Variants in STRBP observed in about 807,000 individuals in gnomAD.
The protein encoded by STRBP is spermatid perinuclear RNA-binding protein.
Under a neutral mutation model 80.1 loss-of-function variants are expected in STRBP, and 13 were observed. That is an observed-to-expected ratio of 0.16 (90% CI 0.11 to 0.26). The LOEUF is 0.26. STRBP is among the 10% of genes least tolerant of loss of function. STRBP has a pLI of 1.00. For synonymous variants in STRBP, 284 were observed against 291.2 expected (o/e 0.98, Z 0.25); for missense variants, 485 against 815.2 (o/e 0.59, Z 4.93).
chr9:123,231,417 G>C (rs1417102261), intron 2 of STRBP, among the ~76,000 whole-genome samples: 7 of 152,086 alleles, frequency 4.6e-5, no homozygotes, highest in Non-Finnish European at 7.3e-5. Flanking sequence ...ATAACTTACA[G>C]ATGGAAAAAT....
intron 9 of STRBP, 67 bp downstream of exon 9, chr9:123,159,029 A>T (rs1388077065): frequency 2.3e-6 from 3 of 1,307,392 alleles, no homozygotes; most frequent in Non-Finnish European, 3.3e-6. Context: ...AACTTAGCAT[A>T]TATTTAGAAA....
intron 5 of STRBP, 76 bp from the exon 6 acceptor site, chr9:123,170,122 A>T (rs1283250345): frequency 2.2e-5 from 31 of 1,416,264 alleles, no homozygotes; most frequent in Admixed American, 4.6e-5. Flanking sequence ...CAATGCTTGT[A>T]CTAAGTTCTC....
intron 11 of STRBP, among the ~76,000 whole-genome samples, chr9:123,154,795 C>A (rs1166931252): frequency 1.3e-5 from 2 of 152,076 alleles, no homozygotes. Context: ...AATGAGAATT[C>A]AAAGTGAGGA....
At chr9:123,245,220 A>T (rs1402236384) in intron 1 of STRBP, among the ~76,000 whole-genome samples, 1 of 152,146 alleles carries the variant, frequency 6.6e-6, no homozygotes, top group African/African-American at 2.4e-5. Context: ...CTAAAACCAA[A>T]TTTTTCCCCT....
At chr9:123,180,254 T>A (rs2038400478) in intron 3 of STRBP, among the ~76,000 whole-genome samples, 1 of 152,192 alleles carries the variant, frequency 6.6e-6, no homozygotes, top group Non-Finnish European at 1.5e-5. Flanking sequence ...GACCCAGGTC[T>A]CTATTTAAAT....
At chr9:123,210,651 AC>A (rs1310534270) in intron 2 of STRBP, among the ~76,000 whole-genome samples, 1 of 152,048 alleles carries the variant, frequency 6.6e-6, no homozygotes, top group African/African-American at 2.4e-5. Flanking sequence ...AGATGGTGAA[AC>A]CCCGTCTCTA....
chr9:123,194,898 G>A lies in STRBP; in HGVS notation c.-164-10600C>T, dbSNP rs536370488. Among the ~76,000 whole-genome samples the A allele has an allele frequency of 9.2e-5, 14 of 152,018 alleles. No homozygotes were observed. In the South Asian group the frequency reaches 1.9e-3, roughly 20 times the overall value. On this transcript the variant is annotated intron_variant, in intron 2 of 18. Coordinates refer to ENST00000348403, the MANE Select transcript of STRBP (RefSeq NM_018387.5). The stretch of plus-strand genomic sequence containing the variant: ...TTCTTTATCTCCACAACCTCTAAAC[G>A]CTGAAGTGCCTCAAGACTCAGCCCT...
At chr9:123,201,240 T>C (rs1301579054) in intron 2 of STRBP, among the ~76,000 whole-genome samples, 7 of 152,178 alleles carry the variant, frequency 4.6e-5, no homozygotes, top group Admixed American at 1.3e-4. Context: ...TCTGCTCTGA[T>C]CTTTGTTACT....
chr9:123,147,228 A>G (rs1173803012), intron 12 of STRBP, among the ~76,000 whole-genome samples, 174 bp from the exon 13 acceptor site: 7 of 152,226 alleles, frequency 4.6e-5, no homozygotes, highest in Admixed American at 1.3e-4. Context: ...TAATATCACT[A>G]TAAAAATTGT....
chr9:123,255,958 T>C (rs1227339901), intron 1 of STRBP, among the ~76,000 whole-genome samples: 1 of 151,832 alleles, frequency 6.6e-6, no homozygotes, highest in Non-Finnish European at 1.5e-5. Flanking sequence ...TCAGGCTTGT[T>C]GCTCAGCCCT....
At position 123,158,086 on chromosome 9, in the gene STRBP, T is replaced by C. The variant is rs778091725; in HGVS notation, c.971A>G (p.Lys324Arg). 6.2e-7 allele frequency: 1 copy of C among 1,609,626 alleles called. No homozygotes were observed. Among genetic ancestry groups the C allele is most frequent in the Non-Finnish European group, 8.5e-7 (1 of 1,178,598 alleles). ...LRLSAFGQIY[K>R]VLEMDPLPSS... is the part of the protein sequence containing the mutation. The stretch of plus-strand genomic sequence containing the variant: ...TGGAAGGGGGTCCATCTCCAGCACT[T>C]TGTAAATCTGGCCAAAGGCTGATAG... Residue 324 changes from lysine to arginine, a missense_variant, in exon 11 of 19, where the codon AAA (lysine) becomes AGA (arginine). Physicochemically the swap from Lys to Arg is conservative, Grantham distance 26 (BLOSUM62 2). This residue lies in a region of STRBP where 377 missense variants were observed against 616.1 expected (regional missense o/e 0.61). Transcript: ENST00000348403.
chr9:123,225,377 T>C (rs1274607796), intron 2 of STRBP, among the ~76,000 whole-genome samples: 1 of 152,222 alleles, frequency 6.6e-6, no homozygotes, highest in African/African-American at 2.4e-5. Context: ...ATTTATATTC[T>C]AGTAAGTTCC....
intron 1 of STRBP, among the ~76,000 whole-genome samples, chr9:123,256,673 C>T (rs1223213965): frequency 6.6e-6 from 1 of 152,164 alleles, no homozygotes; most frequent in African/African-American, 2.4e-5. Context: ...ATCCCAACAA[C>T]TCAGGGCACA....
chr9:123,231,296 A>G (rs2040391749), intron 2 of STRBP, among the ~76,000 whole-genome samples: 1 of 152,160 alleles, frequency 6.6e-6, no homozygotes, highest in Non-Finnish European at 1.5e-5. Context: ...CCTTCCACAC[A>G]TCTCCATCTG....
chr9:123,263,065 G>GAAAA (rs2041191146), intron 1 of STRBP, among the ~76,000 whole-genome samples: 1 of 152,182 alleles, frequency 6.6e-6, no homozygotes, highest in Non-Finnish European at 1.5e-5. Context: ...AACAGTTTCT[G>GAAAA]TAGCTAAACG....
intron 1 of STRBP, among the ~76,000 whole-genome samples, chr9:123,238,746 CAAT>C (rs1355856026): frequency 6.6e-6 from 1 of 152,134 alleles, no homozygotes; most frequent in Non-Finnish European, 1.5e-5. Context: ...GTCTTTCTAA[CAAT>C]AAATCTCACA....
chr9:123,136,717 T>G lies in STRBP; in HGVS notation c.1498-202A>C, dbSNP rs1359930659. Reference sequence around the variant, plus strand: ...CTACAAGCAGTAAACATTGCAGTCATCTGGCCAGCCTTCCTTCGAAGCAGT... The same window carrying G: ...CTACAAGCAGTAAACATTGCAGTCAGCTGGCCAGCCTTCCTTCGAAGCAGT... On this transcript the variant is annotated intron_variant, in intron 14 of 18. Transcript: ENST00000348403. This position sits in a 1 kb window ranked among gnomAD's most constrained non-coding sequence, Gnocchi z 4.2. Among the ~76,000 whole-genome samples, 1 of 152,210 alleles carries G rather than the reference T, an allele frequency of 6.6e-6. No homozygotes were observed. Among genetic ancestry groups the G allele is most frequent in the African/African-American group, 2.4e-5 (1 of 41,446 alleles).
At chr9:123,251,270 C>G (rs1005409269) in intron 1 of STRBP, among the ~76,000 whole-genome samples, 1 of 152,024 alleles carries the variant, frequency 6.6e-6, no homozygotes, top group South Asian at 2.1e-4. Context: ...AAAAATAGTA[C>G]AAGAGAACGG....
intron 1 of STRBP, among the ~76,000 whole-genome samples, chr9:123,249,271 C>A (rs1353690498): frequency 6.6e-6 from 1 of 152,030 alleles, no homozygotes; most frequent in Admixed American, 6.6e-5. Flanking sequence ...CCCAGCTACT[C>A]GGGAGGCTGA....
Sources: allele counts gnomAD v4.1 joint callset (sites outside exome capture counted in the v4.1 genomes callset), GRCh38; gene constraint gnomAD v4.1.1; regional missense constraint gnomAD v4.1.1; non-coding constraint Gnocchi (gnomAD v3.1); transcripts MANE v1.5; gene names NCBI Gene and HGNC (gene_info 2026-07-23, HGNC 2026-07-21).